The following LRIG3 variants were observed in gnomAD, a reference collection of about 807,000 sequenced individuals.
LRIG3 encodes leucine-rich repeats and immunoglobulin-like domains protein 3.
In LRIG3, 76 loss-of-function variants were observed where a neutral mutation model predicts 114.5. The observed-to-expected ratio is 0.66, with a 90% CI of 0.55 to 0.80. The LOEUF (loss-of-function observed/expected upper bound fraction) is 0.80, where lower values mean the gene tolerates loss of function less well. Among genes scored for constraint, LRIG3 ranks in the 30% least tolerant of loss-of-function variants. The pLI is 0.00. For synonymous variants in LRIG3, 512 were observed against 519.8 expected, an observed-to-expected ratio of 0.98 and a Z score of 0.20; for missense variants, 1,239 against 1,382.8, an observed-to-expected ratio of 0.90 and a Z score of 1.65.
At chr12:58,888,537 C>A in intron 6 of LRIG3, 65 bp from the exon 7 acceptor site, 1 of 1,575,826 alleles carries the variant, frequency 6.3e-7, no homozygotes, top group South Asian at 1.1e-5. Context: ...TCAAAGGGGA[C>A]ATATGATTAC....
At chr12:58,881,750 G>A (rs1274804380) in intron 12 of LRIG3, among the ~76,000 whole-genome samples, 1 of 152,148 alleles carries the variant, frequency 6.6e-6, no homozygotes, top group Non-Finnish European at 1.5e-5. Context: ...TGGGTTATAG[G>A]GGATGCTTTG....
chr12:58,877,510 C>G lies in LRIG3; in HGVS notation c.2426G>C (p.Gly809Ala), dbSNP rs1484722112. The G allele has an allele frequency of 6.2e-7, 1 of 1,614,094 alleles. No homozygotes were observed. The highest frequency in any genetic ancestry group is 1.7e-5 in the Admixed American group (1 of 60,006). Reference sequence around the variant, plus strand: ...GCAAACCACGGCTATGATCACGACACCCACAGTGGCCCATCCGTCATCGTC... The same window carrying G: ...GCAAACCACGGCTATGATCACGACAGCCACAGTGGCCCATCCGTCATCGTC... ...SLDDDGWATVGVVIIAVVCCV... is the reference protein window; with the variant it reads ...SLDDDGWATVAVVIIAVVCCV... Residue 809 changes from glycine (G) to alanine (A), a missense_variant, in exon 15 of 19, where the codon GGT (glycine) becomes GCT (alanine). Gly to Ala is a moderately conservative substitution (Grantham distance 60). Coordinates refer to ENST00000320743, the MANE Select transcript of LRIG3 (RefSeq NM_153377.5).
chr12:58,902,611 T>C (rs995397874), intron 3 of LRIG3, among the ~76,000 whole-genome samples: 2 of 151,756 alleles, frequency 1.3e-5, no homozygotes, highest in African/African-American at 2.4e-5. Flanking sequence ...TTAGGGTACA[T>C]GTGCACAATG....
chr12:58,919,970 G>A, intron 1 of LRIG3, 30 bp downstream of exon 1: 6 of 1,540,968 alleles, frequency 3.9e-6, no homozygotes, highest in Non-Finnish European at 5.3e-6. Flanking sequence ...AGCGGCCCGG[G>A]CCCCCTCCCC....
chr12:58,912,065 G>A (rs2120981114), intron 3 of LRIG3, among the ~76,000 whole-genome samples: 1 of 152,208 alleles, frequency 6.6e-6, no homozygotes, highest in Admixed American at 6.5e-5. Context: ...AATTATTCAG[G>A]GTGATTTCAC....
rs1198692769 is a variant in LRIG3 at position 58,887,875 on chromosome 12, G to A, written c.1005C>T (p.Ser335=). Residue 335 remains serine (S), a synonymous_variant, in exon 8 of 19, where the codon AGC becomes AGT. Coordinates refer to ENST00000320743, the MANE Select transcript of LRIG3 (RefSeq NM_153377.5). ...RLDDSSFLGL[S]LLNTLHIGNN... Reference sequence around the variant, plus strand: ...TCCCAATGTGCAGTGTATTTAGTAAGCTTAGGCCAAGGAAGCTTGAATCAT... The same window carrying A: ...TCCCAATGTGCAGTGTATTTAGTAAACTTAGGCCAAGGAAGCTTGAATCAT... The A allele has an allele frequency of 3.1e-6, 5 of 1,613,786 alleles. No individual in the cohort carries two copies. The highest frequency in any genetic ancestry group is 4.2e-6 in the Non-Finnish European group (5 of 1,179,868).
At chr12:58,917,663 T>C (rs986730381) in intron 1 of LRIG3, among the ~76,000 whole-genome samples, 3 of 152,242 alleles carry the variant, frequency 2.0e-5, no homozygotes, top group Admixed American at 2.0e-4. Context: ...CATACACACG[T>C]AATTTTTCTT....
At chr12:58,887,167 G>T in intron 8 of LRIG3, 1 of 333,216 alleles carries the variant, frequency 3.0e-6, no homozygotes, top group South Asian at 6.4e-5. Flanking sequence ...GATCCGAACA[G>T]TCTGAAAAAT....
At position 58,887,643 on chromosome 12, in the gene LRIG3, T is replaced by C. The variant is rs183158047; in HGVS notation, c.1091+146A>G. On this transcript the variant is annotated intron_variant, in intron 8 of 18. Coordinates refer to ENST00000320743, the MANE Select transcript of LRIG3 (RefSeq NM_153377.5). ...ACATATGGATGAAATGGATCCATTG[T>C]AATCAAACTGATCTGGGAAAGATTA... The C allele has an allele frequency of 3.9e-4, 311 of 801,616 alleles. 2 individuals are homozygous for C. The African/African-American group carries it at 4.9e-3, about 13-fold the overall frequency. The allele number at this position is 801,616 out of a possible 1,614,324, so 49.7% of individuals were successfully genotyped here.
At chr12:58,876,639 T>C (rs778551859) in intron 15 of LRIG3, 36 bp from the exon 16 acceptor site, 2 of 1,610,098 alleles carry the variant, frequency 1.2e-6, no homozygotes, top group South Asian at 1.1e-5. Context: ...TAACCAAGGA[T>C]GATCGTTAAT....
intron 3 of LRIG3, among the ~76,000 whole-genome samples, chr12:58,900,311 C>T (rs1007015273): frequency 6.6e-6 from 1 of 150,766 alleles, no homozygotes; most frequent in African/African-American, 2.4e-5. Context: ...ATCAACTTCA[C>T]TATTTCTCTA....
At chr12:58,909,968 G>A (rs1872215570) in intron 3 of LRIG3, among the ~76,000 whole-genome samples, 2 of 152,158 alleles carry the variant, frequency 1.3e-5, no homozygotes, top group Admixed American at 1.3e-4. Context: ...CTCTGATCAT[G>A]TCATTCTGCT....
chr12:58,880,480 T>C, intron 13 of LRIG3, 101 bp downstream of exon 13: 2 of 1,160,016 alleles, frequency 1.7e-6, no homozygotes. Flanking sequence ...GGTGGGGAAC[T>C]GTGAGAAGAA....
rs1177824190 is a variant in LRIG3, at chr12:58,877,784, A to C, written c.2152T>G (p.Cys718Gly). 1 of 1,614,064 alleles carries C rather than the reference A, an allele frequency of 6.2e-7. No individual in the cohort carries two copies. Among genetic ancestry groups the C allele is most frequent in the Non-Finnish European group, 8.5e-7 (1 of 1,180,030 alleles). Residue 718 changes from cysteine (C) to glycine (G), a missense_variant, in exon 15 of 19, where the codon TGC becomes GGC. Transcript: ENST00000320743. ...GGGGGAGGGCTTCCTCCAGCAATGC[A>C]CTGTAGGACGGCTGTTTCTCCCTTG... The part of the protein sequence containing the change: ...VTKGETAVLQ[C>G]IAGGSPPPKL...
intron 10 of LRIG3, among the ~76,000 whole-genome samples, chr12:58,884,324 A>G (rs1871206318): frequency 6.6e-6 from 1 of 152,230 alleles, no homozygotes; most frequent in Non-Finnish European, 1.5e-5. Context: ...ATTCACCACA[A>G]TGATTACCAC....
intron 3 of LRIG3, among the ~76,000 whole-genome samples, chr12:58,894,245 C>CT (rs1871558643): frequency 6.6e-6 from 1 of 152,176 alleles, no homozygotes; most frequent in Non-Finnish European, 1.5e-5. Flanking sequence ...ACAGTGCTGT[C>CT]TTTGTCAGCA....
chr12:58,914,126 CTT>C, intron 2 of LRIG3, 70 bp from the exon 3 acceptor site: 2 of 1,542,318 alleles, frequency 1.3e-6, no homozygotes, highest in Non-Finnish European at 1.8e-6. Context: ...GAGGTGAAAA[CTT>C]TACATATTAT....
At position 58,890,006 on chromosome 12, in the gene LRIG3, G is replaced by T. The variant is rs1052967237; in HGVS notation, c.649C>A (p.Leu217Met). Reference sequence around the variant, plus strand: ...GGACATTTTACTTACAGATGTTGCAGTTGGGGCAGTTTAAACATCTTGGGT... The same window carrying T: ...GGACATTTTACTTACAGATGTTGCATTTGGGGCAGTTTAAACATCTTGGGT... ...IPPKMFKLPQ[L>M]QHLELNRNKI... Residue 217 changes from leucine (L) to methionine (M), a missense_variant, in exon 5 of 19, where the codon CTG (leucine) becomes ATG (methionine). Transcript: ENST00000320743. 1.2e-6 allele frequency: 2 copies of T among 1,613,482 alleles called. No homozygotes were observed. The highest frequency in any genetic ancestry group is 1.7e-5 in the Admixed American group (1 of 59,976).
chr12:58,885,779 A>T (rs1355106750), intron 10 of LRIG3, 52 bp downstream of exon 10: 5 of 1,304,512 alleles, frequency 3.8e-6, no homozygotes, highest in Non-Finnish European at 5.3e-6. Flanking sequence ...ACACATAAGT[A>T]AAAACCATCT....
Sources: gnomAD v4.1 joint callset for allele counts (sites outside exome capture counted in the v4.1 genomes callset) on GRCh38, gnomAD v4.1.1 for gene constraint, MANE v1.5 for transcripts, NCBI Gene and HGNC (gene_info 2026-07-23, HGNC 2026-07-21) for gene names.